TRNT1: variants seen among roughly 807,000 people sequenced by gnomAD.
The protein encoded by TRNT1 is tRNA nucleotidyl transferase 1.
TRNT1 carries 44 observed loss-of-function variants against 45.6 expected under a neutral mutation model. The observed-to-expected ratio is 0.97, with a 90% CI of 0.76 to 1.24. The LOEUF is 1.24. Among genes scored for constraint, TRNT1 ranks in the 50% most tolerant of loss-of-function variants. The probability of loss-of-function intolerance (pLI) is 0.00; values close to 1 mark genes in which losing one functional copy is unlikely to be tolerated. For synonymous variants in TRNT1, 201 were observed against 171.4 expected, an observed-to-expected ratio of 1.17 and a Z score of -1.35; for missense variants, 633 against 504.4, an observed-to-expected ratio of 1.25 and a Z score of -2.44.
intron 4 of TRNT1, among the ~76,000 whole-genome samples, chr3:3,142,908 C>T (rs992841821): frequency 6.6e-6 from 1 of 152,068 alleles, no homozygotes; most frequent in African/African-American, 2.4e-5. Flanking sequence ...CGAAATTTGC[C>T]ATGTATGTCA....
chr3:3,146,176 C>T, intron 5 of TRNT1, among the ~76,000 whole-genome samples: 1 of 151,310 alleles, frequency 6.6e-6, no homozygotes, highest in Admixed American at 6.6e-5. Flanking sequence ...AGGTGGAGAC[C>T]TTGAAGTTTT....
chr3:3,152,500 C>G, downstream of TRNT1: 2 of 1,613,954 alleles, frequency 1.2e-6, no homozygotes, highest in Non-Finnish European at 1.7e-6. Flanking sequence ...CTATCAGATT[C>G]AAGTTGCAAG....
downstream of TRNT1, chr3:3,150,786 G>A: frequency 7.5e-7 from 1 of 1,338,490 alleles, no homozygotes; most frequent in Non-Finnish European, 1.1e-6. Flanking sequence ...ACTTAGGTAT[G>A]TATCAGAGGC....
At chr3:3,128,598 C>CAAAA (rs111647168) in intron 1 of TRNT1, among the ~76,000 whole-genome samples, 10,970 of 94,770 alleles carry the variant, frequency 0.12, 1,389 homozygotes, top group East Asian at 0.58. Flanking sequence ...GACTCCATCT[C>CAAAA]AAAAAAAAAA....
At position 3,132,731 on chromosome 3, in the gene TRNT1, G is replaced by GAAAAA. The variant is rs369384116; in HGVS notation, c.148+3552_148+3556dup. ...AAAAAAAAACATATACCTATTGAAG[G>GAAAAA]AAAAAAAAAAAAACACAAAAAAAAA... On this transcript the variant is annotated intron_variant, in intron 2 of 7. Coordinates refer to ENST00000251607, the MANE Select transcript of TRNT1 (RefSeq NM_182916.3). Among the ~76,000 whole-genome samples, 14 of 88,954 alleles carry GAAAAA rather than the reference G, an allele frequency of 1.6e-4. 1 individual carries two copies. The highest frequency in any genetic ancestry group is 9.6e-4 in the East Asian group (2 of 2,092). The allele number at this position is 88,954 out of a possible 152,430, so 58.4% of individuals were successfully genotyped here. A position where few individuals can be genotyped will look rare whatever the true frequency, so the allele number is the denominator to read the frequency against.
intron 4 of TRNT1, among the ~76,000 whole-genome samples, chr3:3,142,682 C>T (rs968915887): frequency 1.4e-4 from 21 of 152,244 alleles, no homozygotes; most frequent in South Asian, 2.1e-4. Context: ...GCTTCCCAAA[C>T]GCTTATTTTT....
chr3:3,147,458 G>A lies in TRNT1; in HGVS notation c.811G>A (p.Ala271Thr), dbSNP rs1553555777. ...TGCTTTTGTCCCTACAGGTTTACCT[G>A]CTAATGCAAGTTTAGAAGAATTTGA... The part of the protein sequence containing the change: ...LDVAPYIGLP[A>T]NASLEEFDKV... The change falls in exon 7 of 8, where the codon GCT (alanine) becomes ACT (threonine). Residue 271 changes from alanine (A) to threonine (T), a missense_variant. Physicochemically the swap from Ala to Thr is moderately conservative, Grantham distance 58 (BLOSUM62 0). Transcript: ENST00000251607. 1 of 1,613,196 alleles carries A rather than the reference G, an allele frequency of 6.2e-7. No homozygotes were observed. Among genetic ancestry groups the A allele is most frequent in the Non-Finnish European group, 8.5e-7 (1 of 1,179,574 alleles).
downstream of TRNT1, chr3:3,150,946 G>C: frequency 1.9e-6 from 3 of 1,614,008 alleles, no homozygotes; most frequent in South Asian, 3.3e-5. Flanking sequence ...ATCGCGTTAA[G>C]CCCCAAAATT....
At chr3:3,140,950 C>T (rs577993036) in intron 4 of TRNT1, among the ~76,000 whole-genome samples, 3 of 152,204 alleles carry the variant, frequency 2.0e-5, no homozygotes, top group Non-Finnish European at 4.4e-5. Flanking sequence ...GGCGTGGTGG[C>T]GGCTGCCTGT....
At chr3:3,130,002 G>A (rs566491335) in intron 2 of TRNT1, 3 of 1,538,594 alleles carry the variant, frequency 1.9e-6, no homozygotes, top group East Asian at 2.5e-5. Flanking sequence ...TGTCTGGAAG[G>A]AGCATAGGAA....
intron 4 of TRNT1, among the ~76,000 whole-genome samples, chr3:3,144,234 T>C (rs896667462): frequency 1.3e-5 from 2 of 152,230 alleles, no homozygotes. Context: ...TTAATCCTGT[T>C]ACGTATTTTT....
intron 2 of TRNT1, 70 bp from the exon 3 acceptor site, chr3:3,137,190 T>C: frequency 7.8e-7 from 1 of 1,288,456 alleles, no homozygotes; most frequent in South Asian, 1.6e-5. Context: ...AGCCTTGTAC[T>C]TTTGTGGTTA....
rs986827298 is a variant in TRNT1, at chr3:3,138,816, A to G, written c.342+1363A>G. Among the ~76,000 whole-genome samples, 6 of 152,114 alleles carry G rather than the reference A, an allele frequency of 3.9e-5. No individual in the cohort carries two copies. In the East Asian group the frequency reaches 5.8e-4, roughly 15 times the overall value. ...TTTTATTTCTCTTAGGATATCTACTATAGTTATTTTGACAGTGTCTTTGTT... is the reference window on the plus strand; with the variant it reads ...TTTTATTTCTCTTAGGATATCTACTGTAGTTATTTTGACAGTGTCTTTGTT... On this transcript the variant is annotated intron_variant, in intron 3 of 7. Coordinates refer to ENST00000251607, the MANE Select transcript of TRNT1 (RefSeq NM_182916.3).
In TRNT1 at chr3:3,147,929, T is replaced by G; in HGVS notation, c.1080T>G (p.Thr360=). The stretch of plus-strand genomic sequence containing the variant: ...AGTCTAGGGAACCTGATGCAACTAC[T>G]CGTGTATGTGAACTACTGAAGTACC... ...IIDSREPDAT[T]RVCELLKYQG... is the part of the protein sequence containing the mutation. Residue 360 remains threonine (T), a synonymous_variant, in exon 8 of 8, where the codon ACT becomes ACG. Coordinates refer to ENST00000251607, the MANE Select transcript of TRNT1 (RefSeq NM_182916.3). 1 of 1,613,480 alleles carries G rather than the reference T, an allele frequency of 6.2e-7. No individual in the cohort carries two copies.
downstream of TRNT1, among the ~76,000 whole-genome samples, chr3:3,151,713 C>G (rs141771761): frequency 6.6e-6 from 1 of 152,290 alleles, no homozygotes; most frequent in African/African-American, 2.4e-5. Flanking sequence ...ATACATAGTC[C>G]TAACCCCAGA....
At chr3:3,141,496 T>C (rs1490185490) in intron 4 of TRNT1, among the ~76,000 whole-genome samples, 14 of 152,232 alleles carry the variant, frequency 9.2e-5, no homozygotes, top group East Asian at 1.9e-4. Context: ...TTTTTTAGCA[T>C]TGTATTCTAG....
downstream of TRNT1, chr3:3,151,045 C>CCTAAGAAATTA: frequency 6.2e-7 from 1 of 1,613,596 alleles, no homozygotes; most frequent in Non-Finnish European, 8.5e-7. Flanking sequence ...TCCAGGCATA[C>CCTAAGAAATTA]CTAAGAAATT....
At chr3:3,131,324 C>T (rs1559215238) in intron 2 of TRNT1, 1 of 152,054 alleles carries the variant, frequency 6.6e-6, no homozygotes, top group Non-Finnish European at 1.5e-5. Flanking sequence ...CAAGAGGCCT[C>T]TTGGAAGAAG....
downstream of TRNT1, chr3:3,151,187 C>G (rs933553265): frequency 5.9e-6 from 5 of 849,196 alleles, no homozygotes; most frequent in Admixed American, 2.8e-5. Context: ...ATACAGTTCC[C>G]TGAAACCTAA....
Sources: gnomAD v4.1 joint callset for allele counts (sites outside exome capture counted in the v4.1 genomes callset) on GRCh38, gnomAD v4.1.1 for gene constraint, MANE v1.5 for transcripts, NCBI Gene and HGNC (gene_info 2026-07-23, HGNC 2026-07-21) for gene names.